The following USP34 variants were observed in gnomAD, a reference collection of about 807,000 sequenced individuals.
USP34 encodes the protein ubiquitin carboxyl-terminal hydrolase 34.
A neutral mutation model predicts 460.3 loss-of-function variants in USP34; 70 were observed. The ratio of observed to expected loss-of-function variants is 0.15; its 90% CI spans 0.13 to 0.19. The LOEUF is 0.19. Among genes scored for constraint, USP34 ranks in the 10% least tolerant of loss-of-function variants. The pLI, the probability that USP34 is intolerant of heterozygous loss-of-function variation, is 1.00. For synonymous variants in USP34, 1,647 were observed against 1,405.3 expected (o/e 1.17, Z -3.85); for missense variants, 3,985 against 4,236.2 (o/e 0.94, Z 1.65).
chr2:61,230,844 C>CA (rs11398421), intron 58 of USP34, among the ~76,000 whole-genome samples: 74,258 of 124,330 alleles, frequency 0.6, 20,819 homozygotes, highest in African/African-American at 0.72. Flanking sequence ...AACTCCGTCT[C>CA]AAAAAAAAAA....
rs571759735 is a variant in USP34, at chr2:61,220,673, G to C, written c.7900-216C>G. On this transcript the variant is annotated intron_variant, in intron 66 of 79. Coordinates refer to ENST00000398571, the MANE Select transcript of USP34 (RefSeq NM_014709.4). The stretch of plus-strand genomic sequence containing the variant: ...AAAATATGTCACTGGTTTACAAAAT[G>C]AATTTAAAATAACCAAGTACCATAA... Among the ~76,000 whole-genome samples the C allele has an allele frequency of 5.9e-5, 9 of 152,228 alleles. No homozygotes were observed. In the South Asian group the frequency reaches 1.9e-3, roughly 32 times the overall value.
chr2:61,408,558 AT>A (rs2103942120), intron 2 of USP34, among the ~76,000 whole-genome samples: 1 of 152,266 alleles, frequency 6.6e-6, no homozygotes, highest in East Asian at 1.9e-4. Flanking sequence ...AATTCTTCTG[AT>A]TAACAGCTTT....
intron 1 of USP34, among the ~76,000 whole-genome samples, chr2:61,427,495 G>C (rs1694546532): frequency 1.3e-5 from 2 of 152,184 alleles, no homozygotes; most frequent in African/African-American, 4.8e-5. Flanking sequence ...ACTAAATAAG[G>C]CATCAGGGAC....
At chr2:61,264,488 A>T (rs1168205606) in intron 43 of USP34, among the ~76,000 whole-genome samples, 1 of 150,794 alleles carries the variant, frequency 6.6e-6, no homozygotes, top group Admixed American at 6.6e-5. Flanking sequence ...TAAAAGTAAA[A>T]AACTCCGCCA....
chr2:61,456,771 A>T lies in USP34; in HGVS notation c.43+13879T>A, dbSNP rs1695453202. On this transcript the variant is annotated intron_variant, in intron 1 of 79. Transcript: ENST00000398571. The stretch of plus-strand genomic sequence containing the variant: ...AGTTCACGACCAGCCTGGGCAACAC[A>T]GTGGGACCCCATCTCAATTTACTAA... Among the ~76,000 whole-genome samples the T allele has an allele frequency of 2.7e-5, 4 of 148,592 alleles. No homozygotes were observed. The South Asian group carries it at 8.6e-4, about 32-fold the overall frequency.
chr2:61,254,760 A>T (rs1388449535), intron 48 of USP34, among the ~76,000 whole-genome samples: 1 of 152,214 alleles, frequency 6.6e-6, no homozygotes, highest in Non-Finnish European at 1.5e-5. Flanking sequence ...GTTCAAGACC[A>T]ACCTGGGGAA....
intron 32 of USP34, 39 bp from the exon 33 acceptor site, chr2:61,293,589 G>A (rs1320752527): frequency 1.3e-6 from 2 of 1,487,766 alleles, no homozygotes; most frequent in Non-Finnish European, 1.9e-6. Context: ...GAGAAAAGCA[G>A]ATATATAATG....
chr2:61,202,257 G>C (rs1452494932), intron 75 of USP34, among the ~76,000 whole-genome samples: 1 of 152,162 alleles, frequency 6.6e-6, no homozygotes, highest in Non-Finnish European at 1.5e-5. Context: ...TACGACTGAT[G>C]AGGGGCACAA....
At chr2:61,400,566 A>G (rs1286532358) in intron 3 of USP34, among the ~76,000 whole-genome samples, 1 of 152,154 alleles carries the variant, frequency 6.6e-6, no homozygotes, top group East Asian at 1.9e-4. Flanking sequence ...AAAATACTAA[A>G]TTGACTGGGC....
intron 2 of USP34, among the ~76,000 whole-genome samples, chr2:61,418,747 G>A (rs548454900): frequency 6.6e-5 from 10 of 152,324 alleles, no homozygotes; most frequent in Middle Eastern, 6.8e-3. Flanking sequence ...ACAAGGCACT[G>A]TGATCTAACT....
rs574197993 is a variant in USP34, at chr2:61,366,294, G to C, written c.1251+4027C>G. ...CAGAGTAAGTTGTAAGAAAGCTATA[G>C]AGGAGGTAGGTGAGATGATCTTCCC... On this transcript the variant is annotated intron_variant, in intron 10 of 79. Transcript: ENST00000398571. Among the ~76,000 whole-genome samples the C allele has an allele frequency of 2.0e-5, 3 of 152,344 alleles. No individual in the cohort carries two copies. The East Asian group carries it at 5.8e-4, about 29-fold the overall frequency.
chr2:61,442,311 A>G (rs965998165), intron 1 of USP34, among the ~76,000 whole-genome samples: 8 of 152,144 alleles, frequency 5.3e-5, no homozygotes, highest in Admixed American at 1.3e-4. Flanking sequence ...CAGAGTAAAA[A>G]AAGACAACCT....
chr2:61,347,896 G>A lies in USP34; in HGVS notation c.2259C>T (p.His753=), dbSNP rs779677060. The A allele has an allele frequency of 1.9e-6, 3 of 1,613,376 alleles. No individual in the cohort carries two copies. In the African/African-American group the frequency reaches 4.0e-5, roughly 22 times the overall value. ...QFIGPQHHHH[H]HHHHHHHDGH... is the part of the protein sequence containing the mutation. The stretch of plus-strand genomic sequence containing the variant: ...CATCGTGGTGGTGGTGATGGTGGTG[G>A]TGGTGGTGGTGATGCTGTGGACCAA... The change falls in exon 15 of 80, where the codon CAC becomes CAT. Residue 753 remains histidine (H), a synonymous_variant. Coordinates refer to ENST00000398571, the MANE Select transcript of USP34 (RefSeq NM_014709.4).
At chr2:61,209,296 G>A (rs142279903) in intron 69 of USP34, among the ~76,000 whole-genome samples, 1 of 151,984 alleles carries the variant, frequency 6.6e-6, no homozygotes, top group Non-Finnish European at 1.5e-5. Context: ...TTAAATTCTG[G>A]ATAATCATAA....
chr2:61,381,044 C>T (rs1340795352), intron 6 of USP34, among the ~76,000 whole-genome samples: 2 of 152,010 alleles, frequency 1.3e-5, no homozygotes, highest in African/African-American at 4.8e-5. Context: ...TCCCTAATCT[C>T]AAGTACCCAG....
chr2:61,197,215 G>A (rs1361025402), intron 75 of USP34, among the ~76,000 whole-genome samples: 1 of 152,184 alleles, frequency 6.6e-6, no homozygotes, highest in Non-Finnish European at 1.5e-5. Context: ...AGGTTGCAGT[G>A]AGCCGAAACT....
intron 48 of USP34, among the ~76,000 whole-genome samples, chr2:61,250,995 G>T (rs890604686): frequency 6.6e-6 from 1 of 152,048 alleles, no homozygotes; most frequent in Non-Finnish European, 1.5e-5. Context: ...AAAATTAGCC[G>T]GGCGTGGTGG....
rs555994300 is a variant in USP34 at position 61,441,344 on chromosome 2, C to A, written c.44-20511G>T. Reference sequence around the variant, plus strand: ...AAAGTCACCCAGGCAGGTTAAACCTCTTATACTTTCTGCGCCCCACCTCCC... The same window carrying A: ...AAAGTCACCCAGGCAGGTTAAACCTATTATACTTTCTGCGCCCCACCTCCC... On this transcript the variant is annotated intron_variant, in intron 1 of 79. Transcript: ENST00000398571. Among the ~76,000 whole-genome samples, 420 of 152,120 alleles carry A rather than the reference C, an allele frequency of 2.8e-3. 1 individual carries two copies. The highest frequency in any genetic ancestry group is 9.4e-3 in the African/African-American group (391 of 41,508).
At chr2:61,272,851 G>C (rs149546730) in intron 41 of USP34, among the ~76,000 whole-genome samples, 1 of 152,286 alleles carries the variant, frequency 6.6e-6, no homozygotes, top group Non-Finnish European at 1.5e-5. Flanking sequence ...AGTTAAACTT[G>C]TAAAACAGGA....
Sources: allele counts gnomAD v4.1 joint callset (sites outside exome capture counted in the v4.1 genomes callset), GRCh38; gene constraint gnomAD v4.1.1; transcripts MANE v1.5; gene names NCBI Gene and HGNC (gene_info 2026-07-23, HGNC 2026-07-21).